COMMD7: variants seen among roughly 807,000 people sequenced by gnomAD.
COMMD7 encodes the protein COMM domain-containing protein 7.
Under a neutral mutation model 34.8 loss-of-function variants are expected in COMMD7, and 28 were observed. The observed-to-expected ratio is 0.80, with a 90% CI of 0.60 to 1.10. The LOEUF (loss-of-function observed/expected upper bound fraction) is 1.10, where lower values mean the gene tolerates loss of function less well. Among genes scored for constraint, COMMD7 ranks in the 50% least tolerant of loss-of-function variants. The pLI, the probability that COMMD7 is intolerant of heterozygous loss-of-function variation, is 0.00. For missense variants in COMMD7, 211 were observed against 241.6 expected, an observed-to-expected ratio of 0.87 and a Z score of 0.84; for synonymous variants, 80 against 86.4, an observed-to-expected ratio of 0.93 and a Z score of 0.41.
chr20:32,727,092 G>A (rs1342469099), intron 3 of COMMD7, among the ~76,000 whole-genome samples: 1 of 143,458 alleles, frequency 7.0e-6, no homozygotes, highest in South Asian at 2.3e-4. Flanking sequence ...GCCAGGCAGG[G>A]TGGTGCACAC....
chr20:32,704,087 G>T lies in COMMD7; in HGVS notation c.478-16C>A, dbSNP rs1983913390. Reference sequence around the variant, plus strand: ...CCAACTTTAGCTGATGAAAGAAAAAGAAATAATTTAAATTAAAATGATGAC... The same window carrying T: ...CCAACTTTAGCTGATGAAAGAAAAATAAATAATTTAAATTAAAATGATGAC... On this transcript the variant is annotated splice_polypyrimidine_tract_variant and intron_variant, in intron 7 of 8. Coordinates refer to ENST00000278980, the MANE Select transcript of COMMD7 (RefSeq NM_053041.3). 6.4e-7 allele frequency: 1 copy of T among 1,563,962 alleles called. No homozygotes were observed. The highest frequency in any genetic ancestry group is 1.4e-5 in the African/African-American group (1 of 72,818).
chr20:32,731,210 C>T (rs1266809023), intron 1 of COMMD7, among the ~76,000 whole-genome samples: 1 of 152,120 alleles, frequency 6.6e-6, no homozygotes, highest in Admixed American at 6.6e-5. Flanking sequence ...CCTAGCTACT[C>T]AGGAGGCTGA....
At chr20:32,711,758 T>C (rs942294467) in intron 3 of COMMD7, among the ~76,000 whole-genome samples, 1 of 143,352 alleles carries the variant, frequency 7.0e-6, no homozygotes, top group Non-Finnish European at 1.5e-5. Context: ...CCTAAGCAAA[T>C]GCCAGCCACA....
chr20:32,718,336 A>G (rs1384407462), intron 3 of COMMD7, among the ~76,000 whole-genome samples: 1 of 151,530 alleles, frequency 6.6e-6, no homozygotes, highest in Non-Finnish European at 1.5e-5. Context: ...CCCGGGAGGC[A>G]GAGCTTGCAG....
chr20:32,711,057 G>A (rs28655757), intron 3 of COMMD7, among the ~76,000 whole-genome samples: 59,542 of 151,928 alleles, frequency 0.39, 11,883 homozygotes, highest in South Asian at 0.47. Context: ...ACTCCAGCCT[G>A]GGTGACAGAG....
chr20:32,728,447 T>G lies in COMMD7; in HGVS notation c.85-305A>C, dbSNP rs2377666. On this transcript the variant is annotated intron_variant, in intron 1 of 8. Transcript: ENST00000278980. ...GGACACAGACACACACAGACAGACA[T>G]ACACACACACACACACACACACGCA... is the stretch of plus-strand genomic sequence containing the variant. Among the ~76,000 whole-genome samples, 316 of 150,860 alleles carry G rather than the reference T, an allele frequency of 2.1e-3. 1 individual carries two copies. The highest frequency in any genetic ancestry group is 7.5e-3 in the African/African-American group (309 of 41,100).
At chr20:32,742,368 T>G (rs1487212316) in intron 1 of COMMD7, 1 of 151,938 alleles carries the variant, frequency 6.6e-6, no homozygotes, top group Non-Finnish European at 1.5e-5. Flanking sequence ...TGGGAAGTTG[T>G]GGGGGGTATG....
At chr20:32,729,191 T>C (rs1034549601) in intron 1 of COMMD7, among the ~76,000 whole-genome samples, 10 of 145,578 alleles carry the variant, frequency 6.9e-5, no homozygotes, top group African/African-American at 2.5e-4. Flanking sequence ...TTTTTTTAGA[T>C]GGAGTCTCAC....
intron 1 of COMMD7, among the ~76,000 whole-genome samples, chr20:32,731,783 A>T (rs1181482419): frequency 6.6e-6 from 1 of 152,176 alleles, no homozygotes; most frequent in Non-Finnish European, 1.5e-5. Flanking sequence ...TGCCTTTGCA[A>T]TTGCATAGGT....
chr20:32,738,200 A>G (rs1986249628), intron 1 of COMMD7, among the ~76,000 whole-genome samples: 1 of 152,116 alleles, frequency 6.6e-6, no homozygotes, highest in Non-Finnish European at 1.5e-5. Flanking sequence ...GTCATAGCTC[A>G]CTGCAGCCTC....
At chr20:32,726,782 G>A (rs113853049) in intron 3 of COMMD7, among the ~76,000 whole-genome samples, 40 of 152,206 alleles carry the variant, frequency 2.6e-4, no homozygotes, top group African/African-American at 8.7e-4. Context: ...ACAAAAACAC[G>A]AGGCTCAGAA....
At chr20:32,733,853 C>A (rs1385636436) in intron 1 of COMMD7, among the ~76,000 whole-genome samples, 10 of 149,956 alleles carry the variant, frequency 6.7e-5, no homozygotes, top group African/African-American at 2.5e-4. Flanking sequence ...CGATTGCACT[C>A]CAGCCTGGGC....
chr20:32,737,914 AG>A, intron 1 of COMMD7, among the ~76,000 whole-genome samples: 3 of 151,218 alleles, frequency 2.0e-5, no homozygotes, highest in Non-Finnish European at 4.4e-5. Context: ...ACCAAGCTGG[AG>A]GTAATTTTAC....
At chr20:32,708,877 G>A (rs1439016179) in intron 3 of COMMD7, among the ~76,000 whole-genome samples, 1 of 151,776 alleles carries the variant, frequency 6.6e-6, no homozygotes, top group East Asian at 2.0e-4. Flanking sequence ...TTGCCATGTT[G>A]CCCAGGCTGG....
intron 3 of COMMD7, among the ~76,000 whole-genome samples, chr20:32,714,272 G>C (rs755802956): frequency 6.6e-6 from 1 of 152,118 alleles, no homozygotes; most frequent in Admixed American, 6.6e-5. Flanking sequence ...TCTTTTTTGT[G>C]TGTATGTTGC....
At chr20:32,731,560 C>A (rs1405534103) in intron 1 of COMMD7, among the ~76,000 whole-genome samples, 1 of 152,126 alleles carries the variant, frequency 6.6e-6, no homozygotes, top group Non-Finnish European at 1.5e-5. Flanking sequence ...TGCCAAGAAA[C>A]CATGACACTC....
At chr20:32,716,347 G>A (rs1365904961) in intron 3 of COMMD7, among the ~76,000 whole-genome samples, 1 of 152,168 alleles carries the variant, frequency 6.6e-6, no homozygotes, top group Non-Finnish European at 1.5e-5. Flanking sequence ...CGGGCGCAGT[G>A]GCTCACACCT....
chr20:32,710,097 C>T (rs1355214621), intron 3 of COMMD7, among the ~76,000 whole-genome samples: 1 of 151,758 alleles, frequency 6.6e-6, no homozygotes, highest in Non-Finnish European at 1.5e-5. Flanking sequence ...CCAGCTCAAA[C>T]TCCCGCACTC....
rs1045939727 is a variant in COMMD7, at chr20:32,732,743, G to A, written c.85-4601C>T. On this transcript the variant is annotated intron_variant, in intron 1 of 8. Coordinates refer to ENST00000278980, the MANE Select transcript of COMMD7 (RefSeq NM_053041.3). Reference sequence around the variant, plus strand: ...AGATCTAGACCATCCTGGCTAACACGGTGAAACCCTGTCTCTAAACCCTCT... The same window carrying A: ...AGATCTAGACCATCCTGGCTAACACAGTGAAACCCTGTCTCTAAACCCTCT... Among the ~76,000 whole-genome samples the A allele has an allele frequency of 7.9e-5, 12 of 151,626 alleles. No homozygotes were observed. In the South Asian group the frequency reaches 2.5e-3, roughly 32 times the overall value.
Sources: allele counts gnomAD v4.1 joint callset (sites outside exome capture counted in the v4.1 genomes callset), GRCh38; gene constraint gnomAD v4.1.1; transcripts MANE v1.5; gene names NCBI Gene and HGNC (gene_info 2026-07-23, HGNC 2026-07-21).